PDE8A: variants seen among roughly 807,000 people sequenced by gnomAD.
The protein encoded by PDE8A is phosphodiesterase 8A, also known as high affinity cAMP-specific and IBMX-insensitive 3',5'-cyclic phosphodiesterase 8A.
In PDE8A, 59 loss-of-function variants were observed where a neutral mutation model predicts 105.0. The ratio of observed to expected loss-of-function variants is 0.56; its 90% confidence interval spans 0.46 to 0.70. PDE8A has a LOEUF of 0.70. Ranked by LOEUF, PDE8A falls within the 30% of genes least tolerant of loss-of-function variation. The pLI, the probability that PDE8A is intolerant of heterozygous loss-of-function variation, is 0.00. For missense variants in PDE8A, 1,014 were observed against 1,045.9 expected, an observed-to-expected ratio of 0.97 and a Z score of 0.42; for synonymous variants, 355 against 371.9, an observed-to-expected ratio of 0.95 and a Z score of 0.52.
intron 8 of PDE8A, among the ~76,000 whole-genome samples, chr15:85,095,532 C>A (rs572151795): frequency 6.6e-6 from 1 of 151,944 alleles, no homozygotes; most frequent in African/African-American, 2.4e-5. Flanking sequence ...TTAGCAGATA[C>A]GAGGTTTCAC....
intron 1 of PDE8A, among the ~76,000 whole-genome samples, chr15:85,015,243 T>C (rs1309185473): frequency 1.5e-5 from 1 of 68,866 alleles, no homozygotes; most frequent in Middle Eastern, 6.3e-3. Flanking sequence ...TGTGCATAAG[T>C]CTTTTTTTTT....
chr15:85,050,008 A>T (rs1211200610), intron 1 of PDE8A, among the ~76,000 whole-genome samples: 1 of 152,086 alleles, frequency 6.6e-6, no homozygotes, highest in African/African-American at 2.4e-5. Context: ...ATTTTCTGGT[A>T]GTAGTGTGAG....
intron 8 of PDE8A, 76 bp downstream of exon 8, chr15:85,091,257 C>T (rs2081638593): frequency 3.9e-6 from 5 of 1,268,998 alleles, no homozygotes; most frequent in Non-Finnish European, 4.4e-6. Context: ...TTGAGTACTA[C>T]CAGGTAATCT....
intron 11 of PDE8A, among the ~76,000 whole-genome samples, chr15:85,108,126 A>G (rs1368616621): frequency 2.6e-5 from 4 of 152,220 alleles, no homozygotes; most frequent in African/African-American, 9.6e-5. Context: ...ACCTTGACAC[A>G]TTCACTCTTT....
chr15:85,086,439 T>A (rs1219894876), intron 6 of PDE8A, among the ~76,000 whole-genome samples: 1 of 152,200 alleles, frequency 6.6e-6, no homozygotes, highest in East Asian at 1.9e-4. Context: ...GGACAGACAT[T>A]AGGTTAATAT....
At chr15:85,008,727 C>G (rs1032300422) in intron 1 of PDE8A, among the ~76,000 whole-genome samples, 2 of 152,170 alleles carry the variant, frequency 1.3e-5, no homozygotes, top group African/African-American at 2.4e-5. Context: ...CCTCCCTCCT[C>G]TAGTCTGCCT....
At chr15:85,129,652 C>CA (rs1255278874) in intron 20 of PDE8A, among the ~76,000 whole-genome samples, 1 of 116,492 alleles carries the variant, frequency 8.6e-6, no homozygotes, top group African/African-American at 3.8e-5. Flanking sequence ...TTGATCTTTT[C>CA]AAAAAATTAT....
chr15:85,017,887 C>CGAAAAAAAAA (rs2080353823), intron 1 of PDE8A, among the ~76,000 whole-genome samples: 1 of 81,290 alleles, frequency 1.2e-5, no homozygotes, highest in African/African-American at 5.2e-5. Flanking sequence ...AACTCCGTCT[C>CGAAAAAAAAA]AAAAAAAAAA....
At chr15:85,028,237 A>G (rs1204620167) in intron 1 of PDE8A, among the ~76,000 whole-genome samples, 1 of 152,220 alleles carries the variant, frequency 6.6e-6, no homozygotes, top group African/African-American at 2.4e-5. Context: ...TATTAGAGAC[A>G]GAGTCTTGCT....
rs1405578207 is a variant in PDE8A, at chr15:85,078,535, C to T, written c.546+1748C>T. On this transcript the variant is annotated intron_variant, in intron 5 of 21. Transcript: ENST00000394553. Reference sequence around the variant, plus strand: ...ACTGCACTCCAGCCTGGCAACAGAGCGATACTCCATCTCAAAAAAAAAAAA... The same window carrying T: ...ACTGCACTCCAGCCTGGCAACAGAGTGATACTCCATCTCAAAAAAAAAAAA... Among the ~76,000 whole-genome samples the T allele has an allele frequency of 9.3e-5, 10 of 108,058 alleles. No individual in the cohort carries two copies. The East Asian group carries it at 1.2e-3, about 13-fold the overall frequency. The allele number at this position is 108,058 out of a possible 152,430, so 70.9% of individuals were successfully genotyped here.
At chr15:85,083,209 TTTAG>T (rs1352040119) in intron 5 of PDE8A, among the ~76,000 whole-genome samples, 1 of 152,250 alleles carries the variant, frequency 6.6e-6, no homozygotes, top group African/African-American at 2.4e-5. Context: ...TAAGTAGGAC[TTTAG>T]TTAATGAATT....
Position 85,138,255 on chromosome 15 carries a change from C to T in PDE8A, c.*352C>T, listed in dbSNP as rs1459008282. On this transcript the variant is annotated 3_prime_UTR_variant, in exon 22 of 22. Coordinates refer to ENST00000394553, the MANE Select transcript of PDE8A (RefSeq NM_002605.3). Reference sequence around the variant, plus strand: ...CAGAGCATGTCTATTGCAAACAATTCTCTCAGTTACGTTCAGCACTTAAGA... The same window carrying T: ...CAGAGCATGTCTATTGCAAACAATTTTCTCAGTTACGTTCAGCACTTAAGA... 2 of 186,964 alleles carry T rather than the reference C, an allele frequency of 1.1e-5. No homozygotes were observed. The highest frequency in any genetic ancestry group is 2.7e-4 in the East Asian group (2 of 7,528). 11.6% of individuals were successfully genotyped at this position (186,964 alleles called of 1,614,324 possible).
At chr15:85,133,551 A>T (rs2082359314) in intron 20 of PDE8A, among the ~76,000 whole-genome samples, 1 of 152,084 alleles carries the variant, frequency 6.6e-6, no homozygotes, top group Non-Finnish European at 1.5e-5. Flanking sequence ...GCTTTTCTTG[A>T]GTGGGCATTC....
At chr15:85,052,342 A>G (rs937875751) in intron 1 of PDE8A, among the ~76,000 whole-genome samples, 7 of 152,200 alleles carry the variant, frequency 4.6e-5, no homozygotes, top group Non-Finnish European at 1.0e-4. Context: ...ATACCCAGTA[A>G]TGGGAGGGCT....
rs2080621218 is a variant in PDE8A, at chr15:85,031,856, G to A, written c.187-32514G>A. 2.6e-5 allele frequency among the ~76,000 whole-genome samples: 4 copies of A among 152,108 alleles called. No homozygotes were observed. The South Asian group carries it at 8.3e-4, about 31-fold the overall frequency. The stretch of plus-strand genomic sequence containing the variant: ...GTTTCAGCTCTTCCTGTGTCTGACT[G>A]CTTATTGCTGAATCCAGGGTTGCCC... On this transcript the variant is annotated intron_variant, in intron 1 of 21. Coordinates refer to ENST00000394553, the MANE Select transcript of PDE8A (RefSeq NM_002605.3).
At chr15:85,136,756 T>C in intron 21 of PDE8A, 93 bp downstream of exon 21, 7 of 1,255,068 alleles carry the variant, frequency 5.6e-6, no homozygotes, top group South Asian at 1.5e-5. Flanking sequence ...AGAATATGAT[T>C]TGGGGCCTGG....
chr15:85,043,854 C>T (rs1289400922), intron 1 of PDE8A, among the ~76,000 whole-genome samples: 2 of 152,040 alleles, frequency 1.3e-5, no homozygotes, highest in African/African-American at 2.4e-5. Context: ...CCCACCACCA[C>T]GCCAAGCTAA....
intron 9 of PDE8A, among the ~76,000 whole-genome samples, chr15:85,098,784 AC>A (rs935901805): frequency 6.6e-6 from 1 of 151,864 alleles, no homozygotes; most frequent in African/African-American, 2.4e-5. Context: ...ATATAGTGAG[AC>A]CCCCATCCCT....
chr15:85,012,537 G>A (rs1327430130), intron 1 of PDE8A, among the ~76,000 whole-genome samples: 1 of 147,988 alleles, frequency 6.8e-6, no homozygotes, highest in African/African-American at 2.5e-5. Flanking sequence ...ATCACACTCT[G>A]GGGGCTGTTG....
Sources: allele counts gnomAD v4.1 joint callset (sites outside exome capture counted in the v4.1 genomes callset), GRCh38; gene constraint gnomAD v4.1.1; transcripts MANE v1.5; gene names NCBI Gene and HGNC (gene_info 2026-07-23, HGNC 2026-07-21).